The following FBLIM1 variants were observed in gnomAD, a reference collection of about 807,000 sequenced individuals.
The protein encoded by FBLIM1 is filamin binding LIM protein 1.
In FBLIM1, 29 loss-of-function variants were observed where a neutral mutation model predicts 37.4. The observed-to-expected ratio is 0.77, with a 90% CI of 0.58 to 1.06. The LOEUF is 1.06. Ranked by LOEUF, FBLIM1 falls within the 50% of genes least tolerant of loss-of-function variation. FBLIM1 has a pLI of 0.00. For synonymous variants in FBLIM1, 193 were observed against 199.0 expected (o/e 0.97, Z 0.25); for missense variants, 449 against 505.6 (o/e 0.89, Z 1.07).
intron 3 of FBLIM1, among the ~76,000 whole-genome samples, chr1:15,766,379 C>T (rs899578656): frequency 3.9e-5 from 6 of 152,236 alleles, no homozygotes; most frequent in African/African-American, 1.4e-4. Context: ...TCACTGCAAC[C>T]TCTGCTCCCC....
intron 7 of FBLIM1, 44 bp downstream of exon 7, chr1:15,774,840 C>G (rs374761995): frequency 6.2e-7 from 1 of 1,613,522 alleles, no homozygotes; most frequent in Non-Finnish European, 8.5e-7. Flanking sequence ...AGGGACAGGG[C>G]GAGACCCAAG....
intron 1 of FBLIM1, among the ~76,000 whole-genome samples, chr1:15,760,626 G>A (rs536015600): frequency 6.6e-6 from 1 of 151,750 alleles, no homozygotes; most frequent in African/African-American, 2.4e-5. Flanking sequence ...GAGTAGGAAG[G>A]AGGACTGTGG....
chr1:15,770,677 C>CTA, intron 6 of FBLIM1, 99 bp downstream of exon 6: 1 of 1,346,668 alleles, frequency 7.4e-7, no homozygotes, highest in Non-Finnish European at 1.0e-6. Flanking sequence ...GAAGTAGGCA[C>CTA]TATTGACCCC....
At chr1:15,784,044 G>A (rs1472502833) in intron 8 of FBLIM1, among the ~76,000 whole-genome samples, 1 of 152,148 alleles carries the variant, frequency 6.6e-6, no homozygotes, top group African/African-American at 2.4e-5. Context: ...AAAATTAGCT[G>A]GGTGTGGTGG....
chr1:15,769,097 A>G (rs914843121), intron 5 of FBLIM1, among the ~76,000 whole-genome samples: 2 of 151,760 alleles, frequency 1.3e-5, no homozygotes, highest in Non-Finnish European at 2.9e-5. Flanking sequence ...CCCTCCCCCC[A>G]TTTTTCCATA....
intron 2 of FBLIM1, 32 bp from the exon 3 acceptor site, chr1:15,764,932 C>A (rs377669938): frequency 2.6e-6 from 4 of 1,551,314 alleles, no homozygotes; most frequent in Non-Finnish European, 3.5e-6. Context: ...GTCTGGGTGG[C>A]AATCCTGTGC....
intron 8 of FBLIM1, among the ~76,000 whole-genome samples, chr1:15,783,982 A>G (rs2069712514): frequency 6.6e-6 from 1 of 152,104 alleles, no homozygotes; most frequent in African/African-American, 2.4e-5. Context: ...TGAGGTCAGG[A>G]GATCGAGACC....
chr1:15,757,105 AG>A (rs1393161924), upstream of FBLIM1, among the ~76,000 whole-genome samples: 1 of 152,168 alleles, frequency 6.6e-6, no homozygotes, highest in Non-Finnish European at 1.5e-5. The surrounding 1 kb of genome is among the most constrained non-coding windows in gnomAD (Gnocchi z 4.1). Context: ...TTTGGGGGGC[AG>A]GGGCAGGATA....
chr1:15,770,338 T>C (rs2069140593), intron 5 of FBLIM1, 71 bp from the exon 6 acceptor site: 1 of 1,521,514 alleles, frequency 6.6e-7, no homozygotes, highest in South Asian at 1.2e-5. Context: ...ATCCTGAGCA[T>C]GTTCTGGGTG....
chr1:15,778,765 C>T (rs771532405), intron 8 of FBLIM1, among the ~76,000 whole-genome samples: 2 of 151,804 alleles, frequency 1.3e-5, no homozygotes, highest in Non-Finnish European at 2.9e-5. Flanking sequence ...CTCAGCCTCC[C>T]GAGTAATTGG....
intron 4 of FBLIM1, 137 bp from the exon 5 acceptor site, chr1:15,768,391 G>T: frequency 1.8e-6 from 1 of 541,470 alleles, no homozygotes; most frequent in Non-Finnish European, 3.2e-6. Flanking sequence ...ACTTACGCAG[G>T]TCCCTTGCTT....
Position 15,765,077 on chromosome 1 carries a change from C to T in FBLIM1, c.94C>T (p.Gln32Ter), listed in dbSNP as rs964079687. 16 of 1,613,942 alleles carry T rather than the reference C, an allele frequency of 9.9e-6. No homozygotes were observed. Among genetic ancestry groups the T allele is most frequent in the Non-Finnish European group, 1.4e-5 (16 of 1,179,992 alleles). Residue 32 changes from glutamine to a stop codon, truncating the protein, a stop_gained, in exon 3 of 9, where the codon CAG (glutamine) becomes TAG (stop). Transcript: ENST00000375766. LOFTEE classifies it high-confidence loss of function. The surrounding 1 kb of genome is among the most constrained non-coding windows in gnomAD (Gnocchi z 5.9). ...TGTGGCCGTGGCGGAGGAAGTGAGG[C>T]AGGCAGTTTGTGAGGCCCGGCGTGG... ...RDVAVAEEVR[Q>*]AVCEARRGRP...
chr1:15,784,433 AG>A, intron 8 of FBLIM1, 114 bp from the exon 9 acceptor site: 1 of 761,882 alleles, frequency 1.3e-6, no homozygotes, highest in Non-Finnish European at 2.2e-6. Context: ...CCTCCCACTT[AG>A]GAAGGGCATC....
At chr1:15,781,235 G>A (rs942887217) in intron 8 of FBLIM1, among the ~76,000 whole-genome samples, 25 of 152,084 alleles carry the variant, frequency 1.6e-4, no homozygotes, top group African/African-American at 5.8e-4. Flanking sequence ...GCGTGTGTCT[G>A]TAGTCCCAGC....
intron 1 of FBLIM1, among the ~76,000 whole-genome samples, chr1:15,763,072 T>C (rs914780041): frequency 6.8e-6 from 1 of 146,700 alleles, no homozygotes; most frequent in African/African-American, 2.5e-5. Context: ...ATACTTTTTT[T>C]CTTTTTTTTT....
chr1:15,781,619 GC>G (rs2069641222), intron 8 of FBLIM1, among the ~76,000 whole-genome samples: 1 of 151,106 alleles, frequency 6.6e-6, no homozygotes, highest in Non-Finnish European at 1.5e-5. Context: ...TCCCTGCACT[GC>G]CCACACCCAC....
At chr1:15,767,251 A>G in intron 3 of FBLIM1, 125 bp from the exon 4 acceptor site, 2 of 772,560 alleles carry the variant, frequency 2.6e-6, no homozygotes. Context: ...TTAGACATGG[A>G]ACCCAGGCCG....
At chr1:15,771,804 G>T (rs1024706440) in intron 6 of FBLIM1, among the ~76,000 whole-genome samples, 2 of 151,630 alleles carry the variant, frequency 1.3e-5, no homozygotes, top group Admixed American at 1.3e-4. Context: ...ATCTTTGGGG[G>T]CATCTCTTAG....
rs1218739293 is a variant in FBLIM1, at chr1:15,778,656, T to C, written c.1008+1369T>C. Among the ~76,000 whole-genome samples, 12 of 151,788 alleles carry C rather than the reference T, an allele frequency of 7.9e-5. No individual in the cohort carries two copies. In the East Asian group the frequency reaches 1.5e-3, roughly 20 times the overall value. ...GGAAGCTTCTTTTTCTTTTTTTTTT[T>C]TGAGATGGGATTTCACTCGCGTTAC... is the stretch of plus-strand genomic sequence containing the variant. On this transcript the variant is annotated intron_variant, in intron 8 of 8. Coordinates refer to ENST00000375766, the MANE Select transcript of FBLIM1 (RefSeq NM_017556.4).
Sources: allele counts gnomAD v4.1 joint callset (sites outside exome capture counted in the v4.1 genomes callset), GRCh38; gene constraint gnomAD v4.1.1; non-coding constraint Gnocchi (gnomAD v3.1); transcripts MANE v1.5; gene names NCBI Gene and HGNC (gene_info 2026-07-23, HGNC 2026-07-21).